MINAR1: variants seen among roughly 807,000 people sequenced by gnomAD.
The protein encoded by MINAR1 is membrane integral NOTCH2 associated receptor 1.
Under a neutral mutation model 65.1 loss-of-function variants are expected in MINAR1, and 40 were observed. The ratio of observed to expected loss-of-function variants is 0.61; its 90% confidence interval spans 0.48 to 0.80. The LOEUF (loss-of-function observed/expected upper bound fraction) is 0.80, where lower values mean the gene tolerates loss of function less well. MINAR1 is among the 30% of genes least tolerant of loss of function. The probability of loss-of-function intolerance (pLI) is 0.00; values close to 1 mark genes in which losing one functional copy is unlikely to be tolerated. For missense variants in MINAR1, 1,128 were observed against 1,148.0 expected (o/e 0.98, Z 0.25); for synonymous variants, 482 against 449.1 (o/e 1.07, Z -0.93).
At chr15:79,424,463 G>C in the MINAR1 span, 1 of 152,204 alleles carries the variant, frequency 6.6e-6, no homozygotes, top group Non-Finnish European at 1.5e-5. Flanking sequence ...ACGTGGTGAA[G>C]TCATTTCATT....
chr15:79,421,387 A>C, the MINAR1 span: 2 of 152,204 alleles, frequency 1.3e-5, no homozygotes, highest in African/African-American at 4.8e-5. Context: ...CAGCAAAGGA[A>C]GGACTTGATC....
chr15:79,429,042 T>A, upstream of MINAR1, among the ~76,000 whole-genome samples: 1 of 152,042 alleles, frequency 6.6e-6, no homozygotes, highest in East Asian at 1.9e-4. Flanking sequence ...TAGAGAGAAT[T>A]TGGGGGGCAC....
chr15:79,467,754 CAGAGTGCTATGATGGTCTTGT>C (rs1333013116), intron 3 of MINAR1, among the ~76,000 whole-genome samples: 1 of 152,192 alleles, frequency 6.6e-6, no homozygotes, highest in African/African-American at 2.4e-5. Flanking sequence ...AGAACTGACT[CAGAGTGCTATGATGGTCTTGT>C]TTCAAGCAGA....
chr15:79,430,403 C>T (rs898992993), upstream of MINAR1, among the ~76,000 whole-genome samples: 2 of 151,992 alleles, frequency 1.3e-5, no homozygotes, highest in African/African-American at 4.8e-5. Flanking sequence ...AGCTTCCTGT[C>T]CTAATTGTTC....
chr15:79,417,396 G>C, the MINAR1 span: 1 of 152,226 alleles, frequency 6.6e-6, no homozygotes, highest in East Asian at 1.9e-4. Flanking sequence ...GGTGGGCTTA[G>C]AAATCATCTA....
At chr15:79,441,292 G>T (rs1350592037) in intron 1 of MINAR1, among the ~76,000 whole-genome samples, 1 of 152,076 alleles carries the variant, frequency 6.6e-6, no homozygotes, top group African/African-American at 2.4e-5. Flanking sequence ...TACAAAGAGT[G>T]AGTGTCTGTA....
At chr15:79,414,663 G>A in the MINAR1 span, 17 of 152,182 alleles carry the variant, frequency 1.1e-4, no homozygotes, top group African/African-American at 2.2e-4. Flanking sequence ...CAGTTTTAGC[G>A]TGGTTGGAGA....
chr15:79,461,643 C>G (rs1036454260), intron 2 of MINAR1, among the ~76,000 whole-genome samples: 2 of 152,182 alleles, frequency 1.3e-5, no homozygotes, highest in Non-Finnish European at 2.9e-5. Flanking sequence ...TGTCAGCAGT[C>G]TTGATGGTCT....
At chr15:79,465,295 C>T (rs1895799370) in intron 3 of MINAR1, among the ~76,000 whole-genome samples, 1 of 152,118 alleles carries the variant, frequency 6.6e-6, no homozygotes, top group African/African-American at 2.4e-5. Flanking sequence ...GACTCGAGTA[C>T]AGTCTTAGGG....
chr15:79,452,529 GGTGAGTGT>G (rs1895248447), intron 1 of MINAR1, among the ~76,000 whole-genome samples: 1 of 135,322 alleles, frequency 7.4e-6, no homozygotes, highest in African/African-American at 2.5e-5. Context: ...GGTATGACTG[GGTGAGTGT>G]GTGGGTGTGT....
chr15:79,456,670 C>T lies in MINAR1; in HGVS notation c.523C>T (p.Pro175Ser). The change falls in exon 2 of 4, where the codon CCT becomes TCT. Residue 175 changes from proline to serine, a missense_variant. Transcript: ENST00000305428. Reference sequence around the variant, plus strand: ...CCCACAGTTTGTCCCTGCCTCTGAGCCTAACTTCCTGTTGGGAGTTAGCAA... The same window carrying T: ...CCCACAGTTTGTCCCTGCCTCTGAGTCTAACTTCCTGTTGGGAGTTAGCAA... ...DCPQFVPASE[P>S]NFLLGVSKEV... 1.2e-6 allele frequency: 2 copies of T among 1,614,174 alleles called. No individual in the cohort carries two copies. Among genetic ancestry groups the T allele is most frequent in the Non-Finnish European group, 1.7e-6 (2 of 1,180,030 alleles).
At position 79,456,719 on chromosome 15, in the gene MINAR1, C is replaced by T. The variant is rs756561850; in HGVS notation, c.572C>T (p.Ser191Phe). The change falls in exon 2 of 4, where the codon TCC becomes TTC. Residue 191 changes from serine (S) to phenylalanine (F), a missense_variant. By Grantham distance (155) the Ser-to-Phe change is radical (BLOSUM62 -2). Coordinates refer to ENST00000305428, the MANE Select transcript of MINAR1 (RefSeq NM_015206.3). ...VSKEVKNRAA[S>F]LDRLQALAPY... ...AAAGAGGTGAAAAACCGCGCCGCTT[C>T]CCTGGACAGGTTGCAGGCCCTGGCT... The T allele has an allele frequency of 6.2e-7, 1 of 1,614,082 alleles. No homozygotes were observed. The highest frequency in any genetic ancestry group is 8.5e-7 in the Non-Finnish European group (1 of 1,180,042).
intron 3 of MINAR1, 114 bp from the exon 4 acceptor site, chr15:79,468,071 GTC>G: frequency 7.8e-6 from 6 of 771,224 alleles, no homozygotes; most frequent in Non-Finnish European, 1.3e-5. Context: ...ATGCAATACA[GTC>G]TCTAACTCCC....
At chr15:79,460,124 A>C (rs879857699) in intron 2 of MINAR1, among the ~76,000 whole-genome samples, 2 of 152,224 alleles carry the variant, frequency 1.3e-5, no homozygotes, top group Non-Finnish European at 2.9e-5. Flanking sequence ...TAGGTCTAAC[A>C]CAAAGTTGCT....
chr15:79,449,495 G>A (rs1243911589), intron 1 of MINAR1, among the ~76,000 whole-genome samples: 1 of 146,116 alleles, frequency 6.8e-6, no homozygotes, highest in Non-Finnish European at 1.5e-5. Context: ...GGGCATTTTT[G>A]CTGCATCTTC....
the MINAR1 span, chr15:79,423,662 G>A: frequency 6.6e-6 from 1 of 152,200 alleles, no homozygotes; most frequent in African/African-American, 2.4e-5. Context: ...ACTCATCTCA[G>A]AATGGTATAA....
In MINAR1 at chr15:79,456,880, G is replaced by A. The variant is rs1335025254; in HGVS notation, c.733G>A (p.Glu245Lys). ...CATCAAGGAGACCTTCATTTCCAAT[G>A]AGGAGCCATTTGTGGTCCAGTCCTG... ...QSIKETFISN[E>K]EPFVVQSCVQ... Residue 245 changes from glutamate to lysine, a missense_variant, in exon 2 of 4, where the codon GAG becomes AAG. Glu to Lys is a moderately conservative substitution (Grantham distance 56). Coordinates refer to ENST00000305428, the MANE Select transcript of MINAR1 (RefSeq NM_015206.3). 2 of 1,614,134 alleles carry A rather than the reference G, an allele frequency of 1.2e-6. No homozygotes were observed. The highest frequency in any genetic ancestry group is 2.2e-5 in the East Asian group (1 of 44,880).
the MINAR1 span, chr15:79,413,033 G>T: frequency 3.3e-5 from 5 of 151,896 alleles, no homozygotes; most frequent in Non-Finnish European, 7.4e-5. Flanking sequence ...AACCCTCAAG[G>T]TCATCAAATA....
intron 1 of MINAR1, among the ~76,000 whole-genome samples, chr15:79,433,912 A>T (rs1360460952): frequency 1.3e-5 from 2 of 152,130 alleles, no homozygotes; most frequent in Non-Finnish European, 2.9e-5. Context: ...AGAGAGTAGG[A>T]TGCCTGGAGT....
Sources: gnomAD v4.1 joint callset for allele counts (sites outside exome capture counted in the v4.1 genomes callset) on GRCh38, gnomAD v4.1.1 for gene constraint, MANE v1.5 for transcripts, NCBI Gene and HGNC (gene_info 2026-07-23, HGNC 2026-07-21) for gene names.